UGT1A9: variants seen among roughly 807,000 people sequenced by gnomAD.
UGT1A9 encodes UDP-glucuronosyltransferase 1A9.
A neutral mutation model predicts 45.0 loss-of-function variants in UGT1A9; 35 were observed. That is an observed-to-expected ratio of 0.78 (90% CI 0.59 to 1.03). The LOEUF is 1.03. Ranked by LOEUF, UGT1A9 falls within the 50% of genes least tolerant of loss-of-function variation. The probability of loss-of-function intolerance (pLI) is 0.00; values close to 1 mark genes in which losing one functional copy is unlikely to be tolerated. For synonymous variants in UGT1A9, 278 were observed against 250.6 expected (o/e 1.11, Z -1.03); for missense variants, 687 against 666.6 (o/e 1.03, Z -0.34).
At chr2:233,703,429 CT>C (rs2075738163) in intron 1 of UGT1A9, among the ~76,000 whole-genome samples, 1 of 151,928 alleles carries the variant, frequency 6.6e-6, no homozygotes, top group Non-Finnish European at 1.5e-5. Context: ...TCTATTGCTT[CT>C]CTATTTCTAT....
chr2:233,772,294 T>C lies in UGT1A9; in HGVS notation c.1328T>C (p.Leu443Pro). 6.2e-7 allele frequency: 1 copy of C among 1,614,228 alleles called. No individual in the cohort carries two copies. Among genetic ancestry groups the C allele is most frequent in the Non-Finnish European group, 8.5e-7 (1 of 1,180,042 alleles). Reference protein sequence around the residue: ...YKENIMRLSSLHKDRPVEPLD... With the variant: ...YKENIMRLSSPHKDRPVEPLD... Reference sequence around the variant, plus strand: ...GAGAACATCATGCGCCTCTCCAGCCTTCACAAGGACCGCCCGGTGGAGCCG... The same window carrying C: ...GAGAACATCATGCGCCTCTCCAGCCCTCACAAGGACCGCCCGGTGGAGCCG... The change falls in exon 5 of 5, where the codon CTT becomes CCT. Residue 443 changes from leucine to proline, a missense_variant. Coordinates refer to ENST00000354728, the MANE Select transcript of UGT1A9 (RefSeq NM_021027.3).
chr2:233,760,979 C>A, intron 1 of UGT1A9: 1 of 1,614,224 alleles, frequency 6.2e-7, no homozygotes, highest in Non-Finnish European at 8.5e-7. Context: ...TCCCCGTATG[C>A]AACCCTTGCC....
intron 1 of UGT1A9, among the ~76,000 whole-genome samples, chr2:233,708,985 C>T (rs560694521): frequency 3.3e-5 from 5 of 152,228 alleles, no homozygotes; most frequent in South Asian, 2.1e-4. Flanking sequence ...TTTCCTCGGC[C>T]GTGGCATCCT....
intron 1 of UGT1A9, chr2:233,742,665 A>C (rs1692062657): frequency 6.6e-6 from 1 of 152,140 alleles, no homozygotes; most frequent in Non-Finnish European, 1.5e-5. Flanking sequence ...ATGTAACCCC[A>C]AGGTTTGTCC....
At chr2:233,726,667 G>C (rs150592409) in intron 1 of UGT1A9, among the ~76,000 whole-genome samples, 1 of 152,128 alleles carries the variant, frequency 6.6e-6, no homozygotes, top group Non-Finnish European at 1.5e-5. Flanking sequence ...AATCATATCT[G>C]TGAAGTCTCT....
chr2:233,701,822 A>G (rs2075654482), intron 1 of UGT1A9, among the ~76,000 whole-genome samples: 1 of 152,190 alleles, frequency 6.6e-6, no homozygotes, highest in Admixed American at 6.5e-5. Context: ...ACATACCAGA[A>G]TCTCTGGGAC....
chr2:233,698,796 G>A (rs896772598), intron 1 of UGT1A9, among the ~76,000 whole-genome samples: 75 of 152,280 alleles, frequency 4.9e-4, no homozygotes, highest in African/African-American at 1.7e-3. Context: ...GTAACCTCTG[G>A]GCTCCCAGCC....
At chr2:233,674,241 C>T (rs1023149514) in intron 1 of UGT1A9, among the ~76,000 whole-genome samples, 4 of 152,130 alleles carry the variant, frequency 2.6e-5, no homozygotes, top group Non-Finnish European at 4.4e-5. Flanking sequence ...TGAAATAATG[C>T]TCTTTCTAAA....
At chr2:233,747,029 T>C (rs1693544106) in intron 1 of UGT1A9, among the ~76,000 whole-genome samples, 1 of 152,046 alleles carries the variant, frequency 6.6e-6, no homozygotes, top group Middle Eastern at 3.4e-3. Context: ...TTTCCCGAAG[T>C]GGGACCCATA....
chr2:233,672,833 G>A, intron 1 of UGT1A9, 44 bp downstream of exon 1: 1 of 1,552,094 alleles, frequency 6.4e-7, no homozygotes, highest in Non-Finnish European at 8.7e-7. Context: ...CTTCACCTTT[G>A]GAAATTAAAA....
intron 1 of UGT1A9, among the ~76,000 whole-genome samples, chr2:233,711,009 T>C (rs2076157997): frequency 2.0e-5 from 3 of 152,234 alleles, no homozygotes; most frequent in African/African-American, 2.4e-5. Context: ...GATGCCTTTT[T>C]CTATCTCTGA....
intron 1 of UGT1A9, chr2:233,729,974 A>G (rs779334131): frequency 1.9e-6 from 3 of 1,614,082 alleles, no homozygotes; most frequent in Non-Finnish European, 2.5e-6. Flanking sequence ...AACTGTGCCA[A>G]CAGGAAGCCA....
At chr2:233,689,295 C>A (rs1284988088) in intron 1 of UGT1A9, among the ~76,000 whole-genome samples, 1 of 151,188 alleles carries the variant, frequency 6.6e-6, no homozygotes, top group Non-Finnish European at 1.5e-5. Flanking sequence ...GGTTCACTCA[C>A]CCAGCACAGT....
At chr2:233,719,559 G>A (rs2076780639) in intron 1 of UGT1A9, 2 of 1,613,878 alleles carry the variant, frequency 1.2e-6, no homozygotes, top group Non-Finnish European at 1.7e-6. Flanking sequence ...GTCAGTGGTG[G>A]ATCTTGTCAG....
At chr2:233,763,024 G>T (rs187872342) in intron 1 of UGT1A9, among the ~76,000 whole-genome samples, 17 of 152,244 alleles carry the variant, frequency 1.1e-4, no homozygotes, top group Middle Eastern at 3.4e-3. Flanking sequence ...CATTATGTTA[G>T]CCATTGTTTT....
chr2:233,705,497 CT>C (rs1357933630), intron 1 of UGT1A9, among the ~76,000 whole-genome samples: 2 of 151,954 alleles, frequency 1.3e-5, no homozygotes, highest in Non-Finnish European at 2.9e-5. Flanking sequence ...TAATAAATAC[CT>C]TTTTAAGAAT....
At chr2:233,697,557 G>T (rs1418823193) in intron 1 of UGT1A9, among the ~76,000 whole-genome samples, 2 of 146,376 alleles carry the variant, frequency 1.4e-5, no homozygotes, top group Admixed American at 6.8e-5. Flanking sequence ...TGTTTATTTA[G>T]CCTCAATTTA....
At chr2:233,711,219 A>AT (rs1297902329) in intron 1 of UGT1A9, among the ~76,000 whole-genome samples, 2 of 152,182 alleles carry the variant, frequency 1.3e-5, no homozygotes, top group Non-Finnish European at 2.9e-5. Flanking sequence ...CAGTGCTCCC[A>AT]TGTCGCTGAA....
chr2:233,687,090 G>A (rs978778348), intron 1 of UGT1A9, among the ~76,000 whole-genome samples: 1 of 152,214 alleles, frequency 6.6e-6, no homozygotes, highest in Non-Finnish European at 1.5e-5. Context: ...TACTTCAGCT[G>A]TGACACTTGC....
Sources: allele counts gnomAD v4.1 joint callset (sites outside exome capture counted in the v4.1 genomes callset), GRCh38; gene constraint gnomAD v4.1.1; transcripts MANE v1.5; gene names NCBI Gene and HGNC (gene_info 2026-07-23, HGNC 2026-07-21).